The following TACC2 variants were observed in gnomAD, a reference collection of about 807,000 sequenced individuals.
TACC2 encodes transforming acidic coiled-coil containing protein 2.
TACC2 carries 137 observed loss-of-function variants against 227.3 expected under a neutral mutation model. The observed-to-expected ratio is 0.60, with a 90% CI of 0.52 to 0.69. The LOEUF (loss-of-function observed/expected upper bound fraction) is 0.69, where lower values mean the gene tolerates loss of function less well. Among genes scored for constraint, TACC2 ranks in the 30% least tolerant of loss-of-function variants. The pLI, the probability that TACC2 is intolerant of heterozygous loss-of-function variation, is 0.00. For missense variants in TACC2, 3,470 were observed against 3,694.4 expected, an observed-to-expected ratio of 0.94 and a Z score of 1.57; for synonymous variants, 1,523 against 1,487.5, an observed-to-expected ratio of 1.02 and a Z score of -0.55.
intron 1 of TACC2, among the ~76,000 whole-genome samples, chr10:122,017,033 G>A (rs1409813557): frequency 6.6e-6 from 1 of 152,006 alleles, no homozygotes; most frequent in Non-Finnish European, 1.5e-5. Context: ...CACCAACCCG[G>A]CCAAAACCTT....
At chr10:122,128,538 G>A (rs1330262057) in intron 5 of TACC2, among the ~76,000 whole-genome samples, 1 of 152,242 alleles carries the variant, frequency 6.6e-6, no homozygotes, top group East Asian at 1.9e-4. Context: ...CCGCGTTCCC[G>A]CCCTGGAATG....
intron 16 of TACC2, among the ~76,000 whole-genome samples, chr10:122,233,853 T>TG (rs2095806289): frequency 6.6e-6 from 1 of 152,192 alleles, no homozygotes; most frequent in Admixed American, 6.5e-5. Flanking sequence ...TAAGGCCTGA[T>TG]GCTGAGTGCC....
At position 122,248,662 on chromosome 10, in the gene TACC2, G is replaced by A; in HGVS notation, c.8412G>A (p.Lys2804=). The A allele has an allele frequency of 6.2e-7, 1 of 1,613,534 alleles. No homozygotes were observed. The highest frequency in any genetic ancestry group is 8.5e-7 in the Non-Finnish European group (1 of 1,180,044). Residue 2804 remains lysine (K), a synonymous_variant, in exon 20 of 23, where the codon AAG becomes AAA. Coordinates refer to ENST00000369005, the MANE Select transcript of TACC2 (RefSeq NM_206862.4). ...TGCCAGAGGACGAACAGAGAGAGAA[G>A]TCAGTCTCCCACCAGACGGTGCAGC... ...AQMIEDEQRE[K]SVSHQTVQQL...
At chr10:122,062,464 C>T (rs567201339) in intron 3 of TACC2, among the ~76,000 whole-genome samples, 8 of 122,684 alleles carry the variant, frequency 6.5e-5, no homozygotes, top group East Asian at 2.6e-4. Flanking sequence ...CCACCACGTC[C>T]GGCTAATTTT....
chr10:122,109,478 T>C (rs1208012071), intron 5 of TACC2, among the ~76,000 whole-genome samples: 2 of 152,120 alleles, frequency 1.3e-5, no homozygotes, highest in African/African-American at 4.8e-5. Flanking sequence ...TGGCACTGAG[T>C]TTCAGTCCCA....
chr10:122,051,321 G>A (rs1308882289), intron 3 of TACC2: 2 of 152,384 alleles, frequency 1.3e-5, no homozygotes, highest in Non-Finnish European at 2.9e-5. Flanking sequence ...CAAAGTGCTG[G>A]ATTATAGGTG....
At chr10:122,078,618 G>A (rs1458197606) in intron 3 of TACC2, among the ~76,000 whole-genome samples, 6 of 152,198 alleles carry the variant, frequency 3.9e-5, no homozygotes, top group Admixed American at 6.5e-5. Flanking sequence ...GCTGGCCTGC[G>A]GATTCTGAGC....
intron 16 of TACC2, among the ~76,000 whole-genome samples, chr10:122,234,029 C>G (rs1322509934): frequency 6.6e-6 from 1 of 152,232 alleles, no homozygotes; most frequent in Non-Finnish European, 1.5e-5. Context: ...GTCCAGGTGG[C>G]TGTCATCTCC....
At chr10:122,249,227 C>T (rs1263268896) in intron 21 of TACC2, 71 bp downstream of exon 21, 6 of 1,162,044 alleles carry the variant, frequency 5.2e-6, no homozygotes, top group Non-Finnish European at 7.6e-6. Flanking sequence ...AGGCTGGGAC[C>T]TCTGGCAGCG....
chr10:122,007,593 A>C (rs1224403388), intron 1 of TACC2, among the ~76,000 whole-genome samples: 1 of 152,150 alleles, frequency 6.6e-6, no homozygotes, highest in Admixed American at 6.5e-5. Context: ...CAGGATTCCT[A>C]GTTTAACAGT....
intron 7 of TACC2, among the ~76,000 whole-genome samples, chr10:122,182,759 T>G (rs2094013307): frequency 6.6e-6 from 1 of 152,044 alleles, no homozygotes; most frequent in East Asian, 1.9e-4. Flanking sequence ...TCATTTTGAC[T>G]AGATAGGGAG....
At position 122,117,209 on chromosome 10, in the gene TACC2, TC is replaced by T. The variant is rs1485840269; in HGVS notation, c.5574-15399del. On this transcript the variant is annotated intron_variant, in intron 5 of 22. Transcript: ENST00000369005. ...TAGAAATCTTTTTTTTTTTTTTTTT[TC>T]TTTGAGACAGAGTCTCGCTCTGTCA... Among the ~76,000 whole-genome samples, 26 of 149,920 alleles carry T rather than the reference TC, an allele frequency of 1.7e-4. No individual in the cohort carries two copies. In the South Asian group the frequency reaches 1.9e-3, roughly 11 times the overall value.
intron 5 of TACC2, among the ~76,000 whole-genome samples, chr10:122,093,257 C>G (rs2081026237): frequency 6.6e-6 from 1 of 152,096 alleles, no homozygotes; most frequent in Non-Finnish European, 1.5e-5. Context: ...GGAGGGAGGA[C>G]AGAGAGGACA....
At chr10:122,130,390 C>T (rs553041720) in intron 5 of TACC2, among the ~76,000 whole-genome samples, 4 of 152,070 alleles carry the variant, frequency 2.6e-5, no homozygotes, top group Non-Finnish European at 5.9e-5. Context: ...TTTTTAAATA[C>T]GTGGCTCCCT....
intron 3 of TACC2, among the ~76,000 whole-genome samples, chr10:122,069,787 AAG>A (rs916317448): frequency 1.4e-4 from 22 of 152,334 alleles, no homozygotes; most frequent in African/African-American, 5.3e-4. Context: ...TCTAGAAAAA[AAG>A]AATAAGAGAC....
chr10:122,178,298 G>C (rs929867169), intron 7 of TACC2, among the ~76,000 whole-genome samples: 6 of 147,336 alleles, frequency 4.1e-5, no homozygotes, highest in East Asian at 4.0e-4. Context: ...GTGCAGTGTC[G>C]TGATCTTTGT....
At position 122,084,453 on chromosome 10, in the gene TACC2, A is replaced by C; in HGVS notation, c.1953A>C (p.Thr651=). ...ACACGGACGGGCCCCACTCTCAGAC[A>C]GCAGAGGCTGATGCATCTGGCCTAC... The part of the protein sequence containing the change: ...AGHTDGPHSQ[T]AEADASGLPH... The change falls in exon 4 of 23, where the codon ACA becomes ACC. Residue 651 remains threonine, a synonymous_variant. Transcript: ENST00000369005. The C allele has an allele frequency of 6.2e-7, 1 of 1,613,016 alleles. No homozygotes were observed. Among genetic ancestry groups the C allele is most frequent in the African/African-American group, 1.3e-5 (1 of 75,060 alleles).
chr10:122,135,174 C>T (rs1445196981), intron 6 of TACC2, among the ~76,000 whole-genome samples: 1 of 152,170 alleles, frequency 6.6e-6, no homozygotes, highest in Non-Finnish European at 1.5e-5. Flanking sequence ...GCAGCTCTGG[C>T]CCGGCTGCCC....
At chr10:122,231,602 G>T (rs1293236539) in intron 16 of TACC2, among the ~76,000 whole-genome samples, 2 of 152,192 alleles carry the variant, frequency 1.3e-5, no homozygotes, top group Admixed American at 1.3e-4. Context: ...GTGGATCCGG[G>T]TCCCATTTTA....
Sources: allele counts gnomAD v4.1 joint callset (sites outside exome capture counted in the v4.1 genomes callset), GRCh38; gene constraint gnomAD v4.1.1; transcripts MANE v1.5; gene names NCBI Gene and HGNC (gene_info 2026-07-23, HGNC 2026-07-21).